The following UGT1A10 variants were observed in gnomAD, a reference collection of about 807,000 sequenced individuals.
UGT1A10 encodes the protein UDP glucuronosyltransferase family 1 member A10.
Under a neutral mutation model 45.8 loss-of-function variants are expected in UGT1A10, and 49 were observed. That is an observed-to-expected ratio of 1.07 (90% CI 0.85 to 1.36). The LOEUF (loss-of-function observed/expected upper bound fraction) is 1.36. UGT1A10 is among the 40% of genes most tolerant of loss of function. UGT1A10 has a pLI of 0.00. For synonymous variants in UGT1A10, 284 were observed against 249.7 expected (o/e 1.14, Z -1.29); for missense variants, 745 against 668.6 (o/e 1.11, Z -1.26).
intron 1 of UGT1A10, among the ~76,000 whole-genome samples, chr2:233,761,736 C>T (rs111883427): frequency 6.5e-4 from 99 of 152,322 alleles, no homozygotes; most frequent in African/African-American, 2.3e-3. Flanking sequence ...TATTTTTCCC[C>T]TACAGAGTTT....
chr2:233,637,409 T>C, intron 1 of UGT1A10, 32 bp downstream of exon 1: 3 of 1,571,130 alleles, frequency 1.9e-6, no homozygotes, highest in Non-Finnish European at 2.6e-6. Context: ...ACATTAAGAA[T>C]AATCTGGCTT....
At chr2:233,713,649 C>T in intron 1 of UGT1A10, 6 of 1,613,990 alleles carry the variant, frequency 3.7e-6, no homozygotes, top group Non-Finnish European at 5.1e-6. Flanking sequence ...CCCTCTGGCC[C>T]TGTCCTACCT....
At chr2:233,756,690 C>G (rs1266086020) in intron 1 of UGT1A10, among the ~76,000 whole-genome samples, 2 of 152,102 alleles carry the variant, frequency 1.3e-5, no homozygotes, top group Non-Finnish European at 2.9e-5. Flanking sequence ...TATATAATGA[C>G]GATGAATTTT....
intron 1 of UGT1A10, among the ~76,000 whole-genome samples, chr2:233,716,508 C>T (rs1254652307): frequency 6.6e-6 from 1 of 152,162 alleles, no homozygotes; most frequent in African/African-American, 2.4e-5. Context: ...GGCTTCAGAG[C>T]TCTCAGCTTA....
intron 1 of UGT1A10, among the ~76,000 whole-genome samples, chr2:233,730,727 G>T (rs768160238): frequency 6.6e-6 from 1 of 152,112 alleles, no homozygotes; most frequent in African/African-American, 2.4e-5. Context: ...ATCAAGAAAT[G>T]GCGGAAGGGG....
chr2:233,716,735 C>T (rs1224008682), intron 1 of UGT1A10, among the ~76,000 whole-genome samples: 3 of 152,158 alleles, frequency 2.0e-5, no homozygotes, highest in Non-Finnish European at 1.5e-5. Flanking sequence ...ATGTTTAGCT[C>T]TGTGAGATTG....
At chr2:233,684,672 TATG>T (rs1474051329) in intron 1 of UGT1A10, among the ~76,000 whole-genome samples, 2 of 152,140 alleles carry the variant, frequency 1.3e-5, no homozygotes, top group African/African-American at 4.8e-5. Flanking sequence ...GGAATATACA[TATG>T]ATAGGATTTA....
chr2:233,764,521 T>A (rs2126010678), intron 1 of UGT1A10, among the ~76,000 whole-genome samples: 1 of 152,314 alleles, frequency 6.6e-6, no homozygotes, highest in African/African-American at 2.4e-5. Context: ...GTGAATCACA[T>A]CCTGCTGATT....
intron 1 of UGT1A10, chr2:233,743,102 G>A: frequency 5.7e-6 from 2 of 353,898 alleles, no homozygotes; most frequent in Non-Finnish European, 1.1e-5. Flanking sequence ...CTTGGGTACA[G>A]CTGTTCTGAA....
At chr2:233,709,482 A>G (rs886637388) in intron 1 of UGT1A10, among the ~76,000 whole-genome samples, 4 of 152,202 alleles carry the variant, frequency 2.6e-5, no homozygotes, top group African/African-American at 9.7e-5. Flanking sequence ...ATAAGTATTT[A>G]GTATTTGAAG....
chr2:233,772,910 T>G lies in UGT1A10; in HGVS notation c.*351T>G, dbSNP rs1169260027. 5.1e-6 allele frequency: 2 copies of G among 393,790 alleles called. No individual in the cohort carries two copies. Among genetic ancestry groups the G allele is most frequent in the Non-Finnish European group, 8.9e-6 (2 of 225,424 alleles). The allele number at this position is 393,790 out of a possible 1,614,324, so 24.4% of individuals were successfully genotyped here. A position where few individuals can be genotyped will look rare whatever the true frequency, so the allele number is the denominator to read the frequency against. On this transcript the variant is annotated 3_prime_UTR_variant, in exon 5 of 5. Transcript: ENST00000344644. ...AAGGTGGTCCCACGGCTGCCCCTAC[T>G]GCAAATGGCAGTTTTAATCTTATCT...
rs970411193 is a variant in UGT1A10 at position 233,636,667 on chromosome 2, A to G, written c.145A>G (p.Ile49Val). The G allele has an allele frequency of 2.5e-6, 4 of 1,614,048 alleles. No individual in the cohort carries two copies. The highest frequency in any genetic ancestry group is 3.4e-6 in the Non-Finnish European group (4 of 1,180,034). Residue 49 changes from isoleucine (I) to valine (V), a missense_variant, in exon 1 of 5, where the codon ATC becomes GTC. Transcript: ENST00000344644. The part of the protein sequence containing the change: ...FTMQSVVEKL[I>V]LRGHEVVVVM... ...CATGCAGTCGGTGGTGGAGAAACTTATCCTCAGGGGGCATGAGGTGGTTGT... is the reference window on the plus strand; with the variant it reads ...CATGCAGTCGGTGGTGGAGAAACTTGTCCTCAGGGGGCATGAGGTGGTTGT...
intron 1 of UGT1A10, among the ~76,000 whole-genome samples, chr2:233,716,167 C>T (rs747584906): frequency 6.6e-6 from 1 of 152,132 alleles, no homozygotes; most frequent in African/African-American, 2.4e-5. Flanking sequence ...AGATGCAGTG[C>T]AGCATCTTCA....
At chr2:233,694,020 G>A (rs1390439150) in intron 1 of UGT1A10, among the ~76,000 whole-genome samples, 1 of 152,202 alleles carries the variant, frequency 6.6e-6, no homozygotes, top group African/African-American at 2.4e-5. Context: ...GAACACATAG[G>A]AGACCTGAGG....
At chr2:233,726,721 T>C (rs17864697) in intron 1 of UGT1A10, among the ~76,000 whole-genome samples, 20,956 of 152,216 alleles carry the variant, frequency 0.14, 1,603 homozygotes, top group East Asian at 0.2. Context: ...GGAAGTACAA[T>C]GTAGATACTT....
intron 1 of UGT1A10, among the ~76,000 whole-genome samples, chr2:233,728,649 T>C (rs1297115247): frequency 6.6e-6 from 1 of 152,186 alleles, no homozygotes; most frequent in Non-Finnish European, 1.5e-5. Flanking sequence ...GTATGGTTTT[T>C]GGATGCGCTG....
intron 1 of UGT1A10, among the ~76,000 whole-genome samples, chr2:233,661,773 A>G (rs559560760): frequency 6.7e-6 from 1 of 150,280 alleles, no homozygotes; most frequent in Non-Finnish European, 1.5e-5. Flanking sequence ...CATATCAAGC[A>G]ATTCAACTTT....
chr2:233,744,363 T>G (rs1041937060), intron 1 of UGT1A10, among the ~76,000 whole-genome samples: 1 of 151,886 alleles, frequency 6.6e-6, no homozygotes, highest in African/African-American at 2.4e-5. Context: ...TCCTGTTGTT[T>G]AGGACTGCAG....
chr2:233,658,496 C>T (rs938059035), intron 1 of UGT1A10, among the ~76,000 whole-genome samples: 4 of 152,182 alleles, frequency 2.6e-5, no homozygotes, highest in South Asian at 4.1e-4. Flanking sequence ...TAGCCCATCA[C>T]GCCCCCTTCA....
Sources: gnomAD v4.1 joint callset for allele counts (sites outside exome capture counted in the v4.1 genomes callset) on GRCh38, gnomAD v4.1.1 for gene constraint, MANE v1.5 for transcripts, NCBI Gene and HGNC (gene_info 2026-07-23, HGNC 2026-07-21) for gene names.